Variants in PRR16 observed in about 807,000 individuals in gnomAD.
PRR16 encodes the protein proline rich 16, also known as protein Largen.
Under a neutral mutation model 18.2 loss-of-function variants are expected in PRR16, and 6 were observed. That is an observed-to-expected ratio of 0.33 (90% CI 0.18 to 0.65). PRR16 has a LOEUF of 0.65. PRR16 is among the 30% of genes least tolerant of loss of function. PRR16 has a pLI of 0.74. For synonymous variants in PRR16, 151 were observed against 147.8 expected (o/e 1.02, Z -0.16); for missense variants, 412 against 376.6 (o/e 1.09, Z -0.78).
the PRR16 span, among the ~76,000 whole-genome samples, chr5:120,787,514 T>A: frequency 6.6e-6 from 1 of 152,198 alleles, no homozygotes; most frequent in Non-Finnish European, 1.5e-5. Context: ...TTATGGCCAC[T>A]GAGGGCTGAG....
At chr5:120,603,359 A>T (rs1754047965) in intron 1 of PRR16, among the ~76,000 whole-genome samples, 1 of 152,086 alleles carries the variant, frequency 6.6e-6, no homozygotes, top group Non-Finnish European at 1.5e-5. Context: ...TGAGGTGTTC[A>T]TATTAGTCTC....
intron 1 of PRR16, among the ~76,000 whole-genome samples, chr5:120,637,210 T>C (rs898593966): frequency 6.7e-6 from 1 of 149,332 alleles, no homozygotes; most frequent in African/African-American, 2.4e-5. Flanking sequence ...ATAACAACTA[T>C]GGAAAAACAG....
intron 1 of PRR16, among the ~76,000 whole-genome samples, chr5:120,489,224 G>A (rs1749930595): frequency 6.6e-6 from 1 of 152,102 alleles, no homozygotes; most frequent in South Asian, 2.1e-4. Context: ...TTTCTGTCTT[G>A]TTGATCTGTC....
At position 120,503,313 on chromosome 5, in the gene PRR16, TTAAA is replaced by T. The variant is rs552690985; in HGVS notation, c.159+38672_159+38675del. Among the ~76,000 whole-genome samples, 6 of 152,284 alleles carry T rather than the reference TTAAA, an allele frequency of 3.9e-5. No individual in the cohort carries two copies. In the South Asian group the frequency reaches 1.0e-3, roughly 26 times the overall value. Reference sequence around the variant, plus strand: ...CAAATTCTAAAGATTTGAAGTTACTTTAAATAATATTATTTCATTCATTTATAAT... The same window carrying T: ...CAAATTCTAAAGATTTGAAGTTACTTTAATATTATTTCATTCATTTATAAT... On this transcript the variant is annotated intron_variant, in intron 1 of 1. Coordinates refer to ENST00000407149, the MANE Select transcript of PRR16 (RefSeq NM_001300783.2).
At chr5:120,595,072 A>G (rs368048678) in intron 1 of PRR16, among the ~76,000 whole-genome samples, 1 of 152,060 alleles carries the variant, frequency 6.6e-6, no homozygotes, top group East Asian at 1.9e-4. Context: ...CGAAGGACCA[A>G]GTTGCCAAAA....
At chr5:120,656,761 T>C (rs1046113992) in intron 1 of PRR16, among the ~76,000 whole-genome samples, 1 of 151,982 alleles carries the variant, frequency 6.6e-6, no homozygotes, top group Non-Finnish European at 1.5e-5. Flanking sequence ...AAGTGATATA[T>C]TTGTGCTTAA....
chr5:120,581,095 G>A (rs902063825), intron 1 of PRR16, among the ~76,000 whole-genome samples: 3 of 152,188 alleles, frequency 2.0e-5, no homozygotes, highest in African/African-American at 4.8e-5. Flanking sequence ...CAGAAAGAAT[G>A]GTACCAGCTC....
At chr5:120,597,271 CTT>C (rs1482117067) in intron 1 of PRR16, among the ~76,000 whole-genome samples, 3 of 151,350 alleles carry the variant, frequency 2.0e-5, no homozygotes, top group Non-Finnish European at 3.0e-5. Context: ...AATATTATAT[CTT>C]ATAATTTACA....
chr5:120,766,117 CA>C, the PRR16 span, among the ~76,000 whole-genome samples: 1 of 151,936 alleles, frequency 6.6e-6, no homozygotes, highest in African/African-American at 2.4e-5. Flanking sequence ...AGGTATTATA[CA>C]CAAAAAATGG....
At chr5:120,530,770 G>C (rs1240885266) in intron 1 of PRR16, among the ~76,000 whole-genome samples, 1 of 152,058 alleles carries the variant, frequency 6.6e-6, no homozygotes, top group Non-Finnish European at 1.5e-5. Context: ...GAAAGGTAAA[G>C]GTTATTTGAG....
At chr5:120,749,570 T>C in the PRR16 span, among the ~76,000 whole-genome samples, 39 of 152,208 alleles carry the variant, frequency 2.6e-4, no homozygotes, top group Non-Finnish European at 4.7e-4. Context: ...TATTTTAGAC[T>C]GTCATGCTAT....
intron 1 of PRR16, among the ~76,000 whole-genome samples, chr5:120,525,753 T>G (rs1751325746): frequency 6.6e-6 from 1 of 152,118 alleles, no homozygotes; most frequent in South Asian, 2.1e-4. Flanking sequence ...ATGTCAGTGC[T>G]TAAAAGTCAT....
the PRR16 span, among the ~76,000 whole-genome samples, chr5:120,701,553 C>T: frequency 2.6e-5 from 4 of 152,026 alleles, no homozygotes; most frequent in South Asian, 8.3e-4. Context: ...GAAAGCCGGA[C>T]CAGGTGTGAG....
the PRR16 span, among the ~76,000 whole-genome samples, chr5:120,704,919 C>T: frequency 4.0e-5 from 6 of 151,854 alleles, no homozygotes; most frequent in Admixed American, 2.6e-4. Flanking sequence ...AAAAAGTTTA[C>T]GTGGAGCATT....
At chr5:120,480,017 A>T (rs1226007462) in intron 1 of PRR16, among the ~76,000 whole-genome samples, 1 of 152,240 alleles carries the variant, frequency 6.6e-6, no homozygotes, top group Non-Finnish European at 1.5e-5. Context: ...AAAACTAGAC[A>T]TACACCCTGT....
intron 1 of PRR16, among the ~76,000 whole-genome samples, chr5:120,619,954 G>C (rs1286927427): frequency 6.6e-6 from 1 of 152,050 alleles, no homozygotes; most frequent in East Asian, 1.9e-4. Flanking sequence ...CTGAGTTGGA[G>C]GTAGGTCAGA....
chr5:120,753,025 G>A, the PRR16 span, among the ~76,000 whole-genome samples: 2 of 151,704 alleles, frequency 1.3e-5, no homozygotes. Flanking sequence ...ATTTTTCCAC[G>A]AATAGATGAG....
the PRR16 span, among the ~76,000 whole-genome samples, chr5:120,782,655 C>T: frequency 1.3e-5 from 2 of 152,144 alleles, no homozygotes; most frequent in Non-Finnish European, 2.9e-5. Flanking sequence ...TCCCTGTGTC[C>T]AGTGGAACAG....
the PRR16 span, among the ~76,000 whole-genome samples, chr5:120,753,045 ATTG>A: frequency 3.3e-5 from 5 of 152,078 alleles, no homozygotes; most frequent in East Asian, 3.9e-4. Context: ...GGAAACATTA[ATTG>A]TTGTGAGCAG....
Sources: gnomAD v4.1 joint callset for allele counts (sites outside exome capture counted in the v4.1 genomes callset) on GRCh38, gnomAD v4.1.1 for gene constraint, MANE v1.5 for transcripts, NCBI Gene and HGNC (gene_info 2026-07-23, HGNC 2026-07-21) for gene names.